PLCL1: variants seen among roughly 807,000 people sequenced by gnomAD.
PLCL1 encodes the protein phospholipase C like 1 (inactive), also known as inactive phospholipase C-like protein 1.
Under a neutral mutation model 84.4 loss-of-function variants are expected in PLCL1, and 41 were observed. That is an observed-to-expected ratio of 0.49 (90% CI 0.38 to 0.63). The LOEUF is 0.63. PLCL1 is among the 30% of genes least tolerant of loss of function. The pLI is 0.00. For missense variants in PLCL1, 1,206 were observed against 1,367.8 expected (o/e 0.88, Z 1.87); for synonymous variants, 490 against 488.3 (o/e 1.00, Z -0.05).
At chr2:197,874,686 T>C (rs2105708348) in intron 1 of PLCL1, among the ~76,000 whole-genome samples, 1 of 152,246 alleles carries the variant, frequency 6.6e-6, no homozygotes, top group South Asian at 2.1e-4. Flanking sequence ...TAATAGACTT[T>C]TGTGTTATGT....
chr2:197,942,014 C>A (rs1381755102), intron 1 of PLCL1, among the ~76,000 whole-genome samples: 1 of 152,134 alleles, frequency 6.6e-6, no homozygotes, highest in Non-Finnish European at 1.5e-5. Context: ...AGTCAGCCTT[C>A]CTTCACTCTT....
At chr2:198,010,863 A>G (rs1344108947) in intron 1 of PLCL1, among the ~76,000 whole-genome samples, 3 of 151,520 alleles carry the variant, frequency 2.0e-5, no homozygotes, top group Non-Finnish European at 3.0e-5. Context: ...CCGTCTTGAT[A>G]GGTTGTATGT....
intron 1 of PLCL1, among the ~76,000 whole-genome samples, chr2:197,947,460 G>C (rs1389578479): frequency 6.6e-6 from 1 of 151,976 alleles, no homozygotes; most frequent in Non-Finnish European, 1.5e-5. Context: ...AGAACCACTG[G>C]AGCTGGGCAG....
chr2:198,013,324 A>G (rs1411400261), intron 1 of PLCL1, among the ~76,000 whole-genome samples: 1 of 152,080 alleles, frequency 6.6e-6, no homozygotes, highest in Non-Finnish European at 1.5e-5. Context: ...GGTGATATTG[A>G]AGATCAGTTT....
chr2:197,879,245 T>A (rs2105713067), intron 1 of PLCL1, among the ~76,000 whole-genome samples: 1 of 152,242 alleles, frequency 6.6e-6, no homozygotes, highest in South Asian at 2.1e-4. Flanking sequence ...CCTTATTACT[T>A]AATAATACAT....
chr2:198,083,636 AG>A, intron 1 of PLCL1, 121 bp from the exon 2 acceptor site: 1 of 618,572 alleles, frequency 1.6e-6, no homozygotes, highest in Non-Finnish European at 2.7e-6. Flanking sequence ...TGTAAACTTT[AG>A]GGTAGCCTCT....
intron 1 of PLCL1, among the ~76,000 whole-genome samples, chr2:197,807,319 G>C (rs1053753704): frequency 2.0e-5 from 3 of 152,192 alleles, no homozygotes; most frequent in Non-Finnish European, 4.4e-5. Context: ...ATGTGTCTAT[G>C]ATGAACTATA....
rs765101832 is a variant in PLCL1 at position 198,025,823 on chromosome 2, C to T, written c.241-57935C>T. On this transcript the variant is annotated intron_variant, in intron 1 of 5. Coordinates refer to ENST00000428675, the MANE Select transcript of PLCL1 (RefSeq NM_006226.4). ...AGAGTGTTTGGAGAGTGATAACAATCACTTAGGACTTACCTTTTCTGAAAA... is the reference window on the plus strand; with the variant it reads ...AGAGTGTTTGGAGAGTGATAACAATTACTTAGGACTTACCTTTTCTGAAAA... Among the ~76,000 whole-genome samples, 24 of 152,048 alleles carry T rather than the reference C, an allele frequency of 1.6e-4. 1 individual carries two copies. Among genetic ancestry groups the T allele is most frequent in the Non-Finnish European group, 2.9e-4 (20 of 68,006 alleles).
chr2:197,881,412 A>G (rs966169094), intron 1 of PLCL1, among the ~76,000 whole-genome samples: 7 of 151,988 alleles, frequency 4.6e-5, no homozygotes, highest in African/African-American at 1.7e-4. Flanking sequence ...TTTCAGGCCC[A>G]GGTGGTGTTT....
At chr2:197,978,007 C>G (rs934069744) in intron 1 of PLCL1, among the ~76,000 whole-genome samples, 3 of 152,202 alleles carry the variant, frequency 2.0e-5, no homozygotes, top group Admixed American at 6.5e-5. Flanking sequence ...CCTGGCCTCT[C>G]TCATCCTCAG....
chr2:198,142,644 G>A (rs556216930), intron 5 of PLCL1, among the ~76,000 whole-genome samples: 103 of 152,284 alleles, frequency 6.8e-4, no homozygotes, highest in African/African-American at 2.3e-3. Context: ...GGACCTGCCA[G>A]TGGAACCTTA....
chr2:198,018,082 C>T (rs184330070), intron 1 of PLCL1, among the ~76,000 whole-genome samples: 6 of 152,196 alleles, frequency 3.9e-5, no homozygotes, highest in African/African-American at 7.2e-5. Context: ...CCATGGAGGG[C>T]GAGCAGAAGC....
At chr2:198,133,876 G>A (rs1438368039) in intron 5 of PLCL1, among the ~76,000 whole-genome samples, 1 of 152,144 alleles carries the variant, frequency 6.6e-6, no homozygotes, top group Non-Finnish European at 1.5e-5. Context: ...TGGGACAACT[G>A]GGGAAATTTA....
At chr2:198,134,931 T>C (rs1694218761) in intron 5 of PLCL1, among the ~76,000 whole-genome samples, 1 of 152,244 alleles carries the variant, frequency 6.6e-6, no homozygotes, top group Non-Finnish European at 1.5e-5. Context: ...GCAGAATTAC[T>C]TTTTGGACGG....
intron 1 of PLCL1, among the ~76,000 whole-genome samples, chr2:197,863,185 A>G (rs1351218682): frequency 6.8e-6 from 1 of 146,064 alleles, no homozygotes; most frequent in Non-Finnish European, 1.5e-5. Context: ...TTTAATGATT[A>G]TGTGCCTTTC....
intron 1 of PLCL1, among the ~76,000 whole-genome samples, chr2:198,047,867 A>C (rs1010323583): frequency 1.2e-4 from 19 of 152,196 alleles, no homozygotes; most frequent in African/African-American, 4.6e-4. Flanking sequence ...ATATTGAAAT[A>C]ACTATCAGAG....
chr2:197,986,085 C>A (rs1370762611), intron 1 of PLCL1, among the ~76,000 whole-genome samples: 2 of 152,170 alleles, frequency 1.3e-5, no homozygotes, highest in Non-Finnish European at 2.9e-5. Context: ...ATATGACATC[C>A]TTTATCAGCC....
intron 1 of PLCL1, among the ~76,000 whole-genome samples, chr2:197,958,889 G>A (rs771194720): frequency 1.1e-4 from 16 of 142,892 alleles, no homozygotes; most frequent in African/African-American, 2.7e-4. Flanking sequence ...TTTTGGTTTC[G>A]GAATCTGTGC....
At chr2:197,941,985 A>G (rs1013220823) in intron 1 of PLCL1, among the ~76,000 whole-genome samples, 3 of 152,002 alleles carry the variant, frequency 2.0e-5, no homozygotes, top group African/African-American at 7.3e-5. Context: ...TCTCTGTTTC[A>G]GTTGGTGATT....
Sources: gnomAD v4.1 joint callset for allele counts (sites outside exome capture counted in the v4.1 genomes callset) on GRCh38, gnomAD v4.1.1 for gene constraint, MANE v1.5 for transcripts, NCBI Gene and HGNC (gene_info 2026-07-23, HGNC 2026-07-21) for gene names.